GFM1: variants seen among roughly 807,000 people sequenced by gnomAD.
GFM1 encodes the protein elongation factor G, mitochondrial.
GFM1 carries 62 observed loss-of-function variants against 96.2 expected under a neutral mutation model. That is an observed-to-expected ratio of 0.64 (90% confidence interval 0.53 to 0.80). The LOEUF is 0.80. GFM1 is among the 30% of genes least tolerant of loss of function. The pLI is 0.00. For synonymous variants in GFM1, 282 were observed against 312.9 expected, an observed-to-expected ratio of 0.90 and a Z score of 1.04; for missense variants, 852 against 916.6, an observed-to-expected ratio of 0.93 and a Z score of 0.91.
chr3:158,672,514 C>T, intron 13 of GFM1: 1 of 1,612,124 alleles, frequency 6.2e-7, no homozygotes, highest in Non-Finnish European at 8.5e-7. Context: ...TTGGGCTACT[C>T]TGGCTTAACG....
At chr3:158,654,292 C>T (rs1314866642) in intron 7 of GFM1, among the ~76,000 whole-genome samples, 4 of 145,262 alleles carry the variant, frequency 2.8e-5, no homozygotes, top group African/African-American at 1.0e-4. Context: ...TAGCTCACCA[C>T]AGCCTCGAAC....
Position 158,662,583 on chromosome 3 carries a change from G to C in GFM1, c.1324-45G>C, listed in dbSNP as rs772292738. 5.3e-6 allele frequency: 6 copies of C among 1,128,782 alleles called. No homozygotes were observed. In the African/African-American group the frequency reaches 7.6e-5, roughly 14 times the overall value. 69.9% of individuals were successfully genotyped at this position (1,128,782 alleles called of 1,614,324 possible). On this transcript the variant is annotated intron_variant, in intron 10 of 17. Transcript: ENST00000486715. ...AATTAATCTATCCCTGACCCATATGGGTCTGTTTTTTAATTCTTCTGTTTT... is the reference window on the plus strand; with the variant it reads ...AATTAATCTATCCCTGACCCATATGCGTCTGTTTTTTAATTCTTCTGTTTT...
At chr3:158,645,606 T>C in intron 1 of GFM1, 23 bp from the exon 2 acceptor site, 7 of 1,596,788 alleles carry the variant, frequency 4.4e-6, no homozygotes, top group Non-Finnish European at 6.0e-6. Context: ...GTGCATAGAA[T>C]TGAGCTCTCG....
intron 1 of GFM1, 126 bp from the exon 2 acceptor site, chr3:158,645,503 C>CT: frequency 1.2e-6 from 1 of 820,684 alleles, no homozygotes; most frequent in Non-Finnish European, 2.1e-6. Flanking sequence ...CCCCTGGTGC[C>CT]TTTCTCAAGC....
intron 13 of GFM1, among the ~76,000 whole-genome samples, chr3:158,679,658 A>C (rs1297937518): frequency 6.6e-6 from 1 of 151,982 alleles, no homozygotes; most frequent in Non-Finnish European, 1.5e-5. Flanking sequence ...TTGATGAGTC[A>C]TTTATCTGTG....
At chr3:158,690,122 T>TTGTATGAA (rs747581068) in intron 15 of GFM1, 41 bp from the exon 16 acceptor site, 2 of 1,552,778 alleles carry the variant, frequency 1.3e-6, no homozygotes, top group East Asian at 2.2e-5. Flanking sequence ...GAGTTGTAGT[T>TTGTATGAA]TGTATGAAGA....
In GFM1 at chr3:158,660,804, TTAC is replaced by T. The variant is rs1723141643; in HGVS notation, c.1222-68_1222-66del. Reference sequence around the variant, plus strand: ...ATATACAATGTGTGTACTGTACAGTTTACTTTTTAGTTACCACATCTTTATTTG... The same window carrying T: ...ATATACAATGTGTGTACTGTACAGTTTTTTTAGTTACCACATCTTTATTTG... On this transcript the variant is annotated intron_variant, in intron 9 of 17. Transcript: ENST00000486715. 2.3e-6 allele frequency: 3 copies of T among 1,290,580 alleles called. No individual in the cohort carries two copies. In the African/African-American group the frequency reaches 4.4e-5, roughly 19 times the overall value. 79.9% of individuals were successfully genotyped at this position (1,290,580 alleles called of 1,614,324 possible). A position where few individuals can be genotyped will look rare whatever the true frequency, so the allele number is the denominator to read the frequency against.
intron 5 of GFM1, 197 bp downstream of exon 5, chr3:158,649,354 G>A: frequency 2.2e-6 from 1 of 451,312 alleles, no homozygotes. Flanking sequence ...GAGAGACTAT[G>A]TTACTTTTTG....
In GFM1 at chr3:158,684,672, T is replaced by C; in HGVS notation, c.1909+4T>C. On this transcript the variant is annotated splice_donor_region_variant and intron_variant, in intron 15 of 17. Transcript: ENST00000486715. ...GGAGAAGGTGCTCTTAAACAAGGTA[T>C]GCTGGGTCCGGGCACCTTAGCCTGT... The C allele has an allele frequency of 8.1e-6, 13 of 1,614,012 alleles. No homozygotes were observed. Among genetic ancestry groups the C allele is most frequent in the Non-Finnish European group, 1.1e-5 (13 of 1,179,954 alleles).
At chr3:158,666,787 C>T in intron 13 of GFM1, 2 of 1,567,160 alleles carry the variant, frequency 1.3e-6, no homozygotes, top group Middle Eastern at 1.7e-4. Flanking sequence ...ATTCAGAAAA[C>T]ATTTAGGAAA....
At position 158,690,205 on chromosome 3, in the gene GFM1, C is replaced by T; in HGVS notation, c.1952C>T (p.Ala651Val). 6.2e-7 allele frequency: 1 copy of T among 1,613,202 alleles called. No homozygotes were observed. The highest frequency in any genetic ancestry group is 8.5e-7 in the Non-Finnish European group (1 of 1,179,610). The change falls in exon 16 of 18, where the codon GCT becomes GTT. Residue 651 changes from alanine to valine, a missense_variant. Coordinates refer to ENST00000486715, the MANE Select transcript of GFM1 (RefSeq NM_024996.7). ...TTATGTATTCTTGAACCTATTATGGCTGTGGAAGTTGTAGCTCCAAATGAA... is the reference window on the plus strand; with the variant it reads ...TTATGTATTCTTGAACCTATTATGGTTGTGGAAGTTGTAGCTCCAAATGAA... ...ATLCILEPIM[A>V]VEVVAPNEFQ...
At chr3:158,647,062 AAT>A in intron 4 of GFM1, 115 bp downstream of exon 4, 1 of 873,054 alleles carries the variant, frequency 1.1e-6, no homozygotes, top group African/African-American at 1.7e-5. Context: ...TAGTTTTTTA[AAT>A]ATATTTATGT....
At position 158,649,067 on chromosome 3, in the gene GFM1, T is replaced by G; in HGVS notation, c.599T>G (p.Phe200Cys). ...MRSKLNHNAA[F>C]MQIPMGLEGN... ...TCTAAACTAAATCATAATGCAGCGT[T>G]TATGCAGATACCCATGGGTTTGGAG... Residue 200 changes from phenylalanine (F) to cysteine (C), a missense_variant, in exon 5 of 18, where the codon TTT (phenylalanine) becomes TGT (cysteine). Physicochemically the swap from Phe to Cys is radical, Grantham distance 205 (BLOSUM62 -2). Coordinates refer to ENST00000486715, the MANE Select transcript of GFM1 (RefSeq NM_024996.7). 6.5e-7 allele frequency: 1 copy of G among 1,544,412 alleles called. No homozygotes were observed. Among genetic ancestry groups the G allele is most frequent in the Non-Finnish European group, 9.0e-7 (1 of 1,116,952 alleles).
In GFM1 at chr3:158,658,157, C is replaced by CTTTTTTTTT. The variant is rs397842738; in HGVS notation, c.1084-750_1084-742dup. On this transcript the variant is annotated intron_variant, in intron 8 of 17. Transcript: ENST00000486715. ...GTATATTCAATCACTTCACAGAACT[C>CTTTTTTTTT]TTTTTTTTTTTTTTTTTTTTTTTGA... Among the ~76,000 whole-genome samples, 169 of 97,356 alleles carry CTTTTTTTTT rather than the reference C, an allele frequency of 1.7e-3. 7 individuals are homozygous for CTTTTTTTTT. Among genetic ancestry groups the CTTTTTTTTT allele is most frequent in the Non-Finnish European group, 2.4e-3 (125 of 52,734 alleles). The allele number at this position is 97,356 out of a possible 152,430, so 63.9% of individuals were successfully genotyped here.
intron 6 of GFM1, among the ~76,000 whole-genome samples, chr3:158,652,920 C>G (rs1438626960): frequency 6.6e-6 from 1 of 152,166 alleles, no homozygotes; most frequent in East Asian, 1.9e-4. Context: ...TTCTGGTGTA[C>G]CATTCCATAG....
chr3:158,658,868 T>C, intron 8 of GFM1, 54 bp from the exon 9 acceptor site: 3 of 1,596,128 alleles, frequency 1.9e-6, no homozygotes, highest in South Asian at 2.2e-5. Context: ...CTCAATACTT[T>C]GATTATTATG....
chr3:158,653,981 G>A (rs1393031969), intron 7 of GFM1, among the ~76,000 whole-genome samples: 14 of 151,946 alleles, frequency 9.2e-5, no homozygotes, highest in Admixed American at 3.9e-4. Flanking sequence ...TGAGGCAGGA[G>A]AATCACTGGA....
At chr3:158,676,048 A>C (rs931649688) in intron 13 of GFM1, among the ~76,000 whole-genome samples, 11 of 152,158 alleles carry the variant, frequency 7.2e-5, no homozygotes, top group African/African-American at 2.7e-4. Flanking sequence ...TGAGGTGGGA[A>C]GATCGCTTGG....
chr3:158,687,882 A>C (rs2108111386), intron 15 of GFM1, among the ~76,000 whole-genome samples: 1 of 152,290 alleles, frequency 6.6e-6, no homozygotes, highest in South Asian at 2.1e-4. Flanking sequence ...CAAAAATATA[A>C]AAGTCAGGTG....
Sources: allele counts gnomAD v4.1 joint callset (sites outside exome capture counted in the v4.1 genomes callset), GRCh38; gene constraint gnomAD v4.1.1; transcripts MANE v1.5; gene names NCBI Gene and HGNC (gene_info 2026-07-23, HGNC 2026-07-21).